The following CLYBL variants were observed in gnomAD, a reference collection of about 807,000 sequenced individuals.
The protein encoded by CLYBL is citramalyl-CoA lyase, mitochondrial.
In CLYBL, 31 loss-of-function variants were observed where a neutral mutation model predicts 38.9. That is an observed-to-expected ratio of 0.80 (90% CI 0.60 to 1.08). The LOEUF (loss-of-function observed/expected upper bound fraction) is 1.08, where lower values mean the gene tolerates loss of function less well. Ranked by LOEUF, CLYBL falls within the 50% of genes least tolerant of loss-of-function variation. CLYBL has a pLI of 0.00. For synonymous variants in CLYBL, 171 were observed against 158.6 expected (o/e 1.08, Z -0.59); for missense variants, 434 against 411.6 (o/e 1.05, Z -0.47).
intron 1 of CLYBL, among the ~76,000 whole-genome samples, chr13:99,699,387 T>TAAAG (rs973674345): frequency 1.3e-5 from 2 of 149,438 alleles, no homozygotes; most frequent in Non-Finnish European, 3.0e-5. Context: ...CTCCGGTCTC[T>TAAAG]AAATAAATAA....
In CLYBL at chr13:99,837,791, GAGCCTTTAGA is replaced by G. The variant is rs200875503; in HGVS notation, c.250-21066_250-21057del. Among the ~76,000 whole-genome samples, 1,191 of 152,256 alleles carry G rather than the reference GAGCCTTTAGA, an allele frequency of 7.8e-3. 8 individuals are homozygous for G. Among genetic ancestry groups the G allele is most frequent in the African/African-American group, 0.027 (1,116 of 41,542 alleles). On this transcript the variant is annotated intron_variant, in intron 2 of 8. Transcript: ENST00000339105. ...TGGCCGTCCAGCAGGGTCACAAGGG[GAGCCTTTAGA>G]AGCACGTGTCCGAGCCCCACCACAC...
chr13:99,624,087 T>C (rs1342659876), intron 1 of CLYBL, among the ~76,000 whole-genome samples: 2 of 129,882 alleles, frequency 1.5e-5, no homozygotes, highest in African/African-American at 5.1e-5. Flanking sequence ...AGGCCATGTC[T>C]TTGGAACAGG....
downstream of CLYBL, among the ~76,000 whole-genome samples, chr13:99,897,789 T>C (rs1594254926): frequency 6.6e-6 from 1 of 151,864 alleles, no homozygotes; most frequent in East Asian, 1.9e-4. Flanking sequence ...CTACTAAAAA[T>C]ACAAAAAATT....
At chr13:99,623,189 C>T (rs1218877254) in intron 1 of CLYBL, among the ~76,000 whole-genome samples, 2 of 152,162 alleles carry the variant, frequency 1.3e-5, no homozygotes, top group Non-Finnish European at 2.9e-5. Flanking sequence ...AACTGTTTTC[C>T]ACAGTGGCTG....
At chr13:99,717,818 AC>A (rs1328299741) in intron 1 of CLYBL, among the ~76,000 whole-genome samples, 1 of 152,042 alleles carries the variant, frequency 6.6e-6, no homozygotes, top group Non-Finnish European at 1.5e-5. Flanking sequence ...AATTATCTGT[AC>A]AACTTGGGTG....
At chr13:99,679,014 G>A (rs1012506241) in intron 1 of CLYBL, among the ~76,000 whole-genome samples, 5 of 151,940 alleles carry the variant, frequency 3.3e-5, no homozygotes, top group South Asian at 2.1e-4. Flanking sequence ...AATTGTATAC[G>A]CCAGGCGTGG....
intron 2 of CLYBL, among the ~76,000 whole-genome samples, chr13:99,800,059 C>G (rs941193564): frequency 6.6e-6 from 1 of 152,226 alleles, no homozygotes; most frequent in African/African-American, 2.4e-5. Context: ...CTGGGAGGAA[C>G]ATGACTGCAT....
intron 2 of CLYBL, among the ~76,000 whole-genome samples, chr13:99,853,277 A>C (rs1173155304): frequency 1.3e-5 from 2 of 151,966 alleles, no homozygotes; most frequent in African/African-American, 2.4e-5. Context: ...ATTATAAGCT[A>C]CCCATCTATA....
At chr13:99,638,121 A>G (rs1263283670) in intron 1 of CLYBL, among the ~76,000 whole-genome samples, 2 of 151,458 alleles carry the variant, frequency 1.3e-5, no homozygotes, top group East Asian at 3.9e-4. Flanking sequence ...CACCTGGCTA[A>G]TTTTTATTTT....
intron 1 of CLYBL, among the ~76,000 whole-genome samples, chr13:99,750,728 C>CTT (rs1555299689): frequency 1.5e-4 from 18 of 123,470 alleles, no homozygotes; most frequent in Non-Finnish European, 2.7e-4. Flanking sequence ...ATAATGCCCT[C>CTT]TTTTTTTAAA....
At chr13:99,806,562 T>C (rs1209036735) in intron 2 of CLYBL, among the ~76,000 whole-genome samples, 3 of 152,188 alleles carry the variant, frequency 2.0e-5, no homozygotes, top group Non-Finnish European at 2.9e-5. Flanking sequence ...CAAGTTAATA[T>C]TTCATTTTGT....
intron 2 of CLYBL, among the ~76,000 whole-genome samples, chr13:99,802,910 C>T (rs897718398): frequency 2.6e-5 from 4 of 152,142 alleles, no homozygotes; most frequent in Admixed American, 6.5e-5. Flanking sequence ...CAGCGCTTAC[C>T]GTTCACACTA....
intron 1 of CLYBL, among the ~76,000 whole-genome samples, chr13:99,616,983 A>G (rs1353986165): frequency 6.6e-6 from 1 of 151,736 alleles, no homozygotes; most frequent in African/African-American, 2.4e-5. Flanking sequence ...TAATAATAAT[A>G]ATATAATAAA....
intron 2 of CLYBL, among the ~76,000 whole-genome samples, chr13:99,796,410 C>T (rs1336437915): frequency 6.6e-6 from 1 of 152,186 alleles, no homozygotes; most frequent in African/African-American, 2.4e-5. Context: ...GACCATGGTG[C>T]TGAAGATGAT....
chr13:99,698,863 T>G (rs1464882809), intron 1 of CLYBL, among the ~76,000 whole-genome samples: 1 of 152,218 alleles, frequency 6.6e-6, no homozygotes, highest in African/African-American at 2.4e-5. Flanking sequence ...GCATAAAAGC[T>G]CTGTGTCCCA....
At chr13:99,754,292 A>T (rs543349659) in intron 1 of CLYBL, among the ~76,000 whole-genome samples, 19 of 151,288 alleles carry the variant, frequency 1.3e-4, no homozygotes, top group Non-Finnish European at 2.5e-4. Flanking sequence ...TGCCAGTAGT[A>T]TCAGGTAATC....
rs558590852 is a variant in CLYBL at position 99,904,595 on chromosome 13, G to C, written c.*25-675G>C. Among the ~76,000 whole-genome samples the C allele has an allele frequency of 2.0e-5, 3 of 152,310 alleles. No individual in the cohort carries two copies. In the East Asian group the frequency reaches 5.8e-4, roughly 29 times the overall value. On this transcript the variant is annotated intron_variant and NMD_transcript_variant, in intron 8 of 9. Coordinates refer to the CLYBL transcript ENST00000689673. ...CGAAATCAGCCACACGTGTATGGAT[G>C]GCTGTCCTATAAATGTCACCTAAAA...
At chr13:99,683,761 G>A (rs922586026) in intron 1 of CLYBL, among the ~76,000 whole-genome samples, 6 of 150,086 alleles carry the variant, frequency 4.0e-5, no homozygotes, top group African/African-American at 1.5e-4. Context: ...TAATAAGGAG[G>A]CGTATAGTCT....
In CLYBL at chr13:99,865,241, G is replaced by T. The variant is rs532210348; in HGVS notation, c.634+330G>T. On this transcript the variant is annotated intron_variant, in intron 5 of 8. Coordinates refer to ENST00000339105, the MANE Select transcript of CLYBL (RefSeq NM_206808.5). This position sits in a 1 kb window ranked among gnomAD's most constrained non-coding sequence, Gnocchi z 4.7. ...AATATATTATGTGAACAGCCTCACC[G>T]TTGCTTCAGTATTTTGTTTTCATAT... is the stretch of plus-strand genomic sequence containing the variant. 1.2e-5 allele frequency: 4 copies of T among 344,798 alleles called. No homozygotes were observed. The East Asian group carries it at 2.9e-4, about 25-fold the overall frequency. 21.4% of individuals were successfully genotyped at this position (344,798 alleles called of 1,614,324 possible).
Sources: gnomAD v4.1 joint callset for allele counts (sites outside exome capture counted in the v4.1 genomes callset) on GRCh38, gnomAD v4.1.1 for gene constraint, Gnocchi (gnomAD v3.1) non-coding constraint, MANE v1.5 for transcripts, NCBI Gene and HGNC (gene_info 2026-07-23, HGNC 2026-07-21) for gene names.